The following NAV2 variants were observed in gnomAD, a reference collection of about 807,000 sequenced individuals.
The protein encoded by NAV2 is helicase, APC down-regulated 1.
Under a neutral mutation model 223.2 loss-of-function variants are expected in NAV2, and 54 were observed. The ratio of observed to expected loss-of-function variants is 0.24; its 90% CI spans 0.19 to 0.30. The LOEUF is 0.30. Among genes scored for constraint, NAV2 ranks in the 10% least tolerant of loss-of-function variants. The probability of loss-of-function intolerance (pLI) is 1.00; values close to 1 mark genes in which losing one functional copy is unlikely to be tolerated. For missense variants in NAV2, 2,806 were observed against 3,147.5 expected (o/e 0.89, Z 2.60); for synonymous variants, 1,279 against 1,239.3 (o/e 1.03, Z -0.67).
intron 1 of NAV2, chr11:19,505,940 C>T (rs943086254): frequency 6.6e-6 from 1 of 152,160 alleles, no homozygotes; most frequent in African/African-American, 2.4e-5. Flanking sequence ...TCCTTGATGG[C>T]TATTATGTCA....
chr11:19,646,866 T>C (rs1362939559), intron 1 of NAV2, among the ~76,000 whole-genome samples: 2 of 152,184 alleles, frequency 1.3e-5, no homozygotes, highest in Non-Finnish European at 2.9e-5. Flanking sequence ...TGGCAGAGCC[T>C]AGACTTGAAC....
chr11:19,546,635 G>A (rs937265611), intron 1 of NAV2, among the ~76,000 whole-genome samples: 1 of 152,150 alleles, frequency 6.6e-6, no homozygotes, highest in Non-Finnish European at 1.5e-5. Context: ...GCTTTTTGGG[G>A]GTGTTTTCTA....
At chr11:19,805,637 C>A (rs2058515045) in intron 1 of NAV2, among the ~76,000 whole-genome samples, 2 of 152,356 alleles carry the variant, frequency 1.3e-5, no homozygotes, top group African/African-American at 2.4e-5. Context: ...ATTAAAATTT[C>A]ATGAGCTGTG....
At chr11:19,368,742 G>A (rs1022325909) in intron 1 of NAV2, among the ~76,000 whole-genome samples, 3 of 152,156 alleles carry the variant, frequency 2.0e-5, no homozygotes, top group African/African-American at 4.8e-5. Flanking sequence ...AAGTGATAGA[G>A]CATGTATTTG....
chr11:19,450,215 G>A (rs1851743200), intron 1 of NAV2, among the ~76,000 whole-genome samples: 1 of 152,150 alleles, frequency 6.6e-6, no homozygotes, highest in Admixed American at 6.5e-5. Context: ...TGAGCACCTG[G>A]GGAGTGGCTC....
intron 1 of NAV2, among the ~76,000 whole-genome samples, chr11:19,742,360 A>G (rs890741146): frequency 6.6e-6 from 1 of 152,262 alleles, no homozygotes; most frequent in African/African-American, 2.4e-5. Context: ...TGAGAATTAA[A>G]GAAGACAAGT....
intron 1 of NAV2, among the ~76,000 whole-genome samples, chr11:19,383,593 C>T (rs561998836): frequency 6.6e-6 from 1 of 152,226 alleles, no homozygotes; most frequent in Non-Finnish European, 1.5e-5. Flanking sequence ...TGAAACAGCA[C>T]AGACTTCGGC....
chr11:19,867,413 A>G (rs114318120), intron 3 of NAV2, among the ~76,000 whole-genome samples: 276 of 152,294 alleles, frequency 1.8e-3, no homozygotes, highest in African/African-American at 6.3e-3. Flanking sequence ...CACTTTCTCT[A>G]TCACATAATA....
intron 1 of NAV2, among the ~76,000 whole-genome samples, chr11:19,491,083 G>A (rs1343804793): frequency 1.3e-5 from 2 of 152,084 alleles, no homozygotes; most frequent in East Asian, 3.9e-4. Context: ...AAACCATGCT[G>A]TAAATGAATG....
intron 1 of NAV2, among the ~76,000 whole-genome samples, chr11:19,655,408 T>G (rs984609092): frequency 3.9e-5 from 6 of 152,118 alleles, no homozygotes; most frequent in Non-Finnish European, 8.8e-5. Flanking sequence ...ACCCAAAGGA[T>G]TATAAATCAT....
rs867352406 is a variant in NAV2 at position 19,549,966 on chromosome 11, T to C, written c.75+198939T>C. Among the ~76,000 whole-genome samples, 17 of 152,192 alleles carry C rather than the reference T, an allele frequency of 1.1e-4. No individual in the cohort carries two copies. The South Asian group carries it at 1.9e-3, about 17-fold the overall frequency. On this transcript the variant is annotated intron_variant, in intron 1 of 37. Transcript: ENST00000360655. ...GGGAGATGGAGCAGGGAAAGCAAAATAGGGGGGCCAGCCTCCCCCGGCTTC... is the reference window on the plus strand; with the variant it reads ...GGGAGATGGAGCAGGGAAAGCAAAACAGGGGGGCCAGCCTCCCCCGGCTTC...
intron 1 of NAV2, among the ~76,000 whole-genome samples, chr11:19,748,475 C>CT (rs1393637621): frequency 1.3e-5 from 2 of 152,288 alleles, no homozygotes; most frequent in South Asian, 2.1e-4. Flanking sequence ...ACTATTTAAT[C>CT]TTTTTTGAAT....
intron 6 of NAV2, among the ~76,000 whole-genome samples, chr11:19,901,186 A>T (rs775873529): frequency 2.6e-5 from 4 of 152,188 alleles, no homozygotes. Context: ...TTTCACACCC[A>T]TGAGATCTTA....
At chr11:19,502,765 T>A (rs1051396147) in intron 1 of NAV2, 1 of 152,344 alleles carries the variant, frequency 6.6e-6, no homozygotes, top group Non-Finnish European at 1.5e-5. Context: ...AACTTACATA[T>A]GAGTTGTAAC....
intron 3 of NAV2, among the ~76,000 whole-genome samples, chr11:19,845,211 TA>T (rs1351677213): frequency 6.6e-6 from 1 of 152,206 alleles, no homozygotes; most frequent in African/African-American, 2.4e-5. Flanking sequence ...ATGGGAAGTA[TA>T]ATTTGAGAAG....
At chr11:20,067,276 C>T (rs928696183) in intron 20 of NAV2, among the ~76,000 whole-genome samples, 1 of 152,076 alleles carries the variant, frequency 6.6e-6, no homozygotes, top group African/African-American at 2.4e-5. Flanking sequence ...GATCTTTCTA[C>T]CCTGGTGCTC....
intron 1 of NAV2, among the ~76,000 whole-genome samples, chr11:19,749,338 T>A (rs1207917923): frequency 6.6e-6 from 1 of 152,168 alleles, no homozygotes; most frequent in Non-Finnish European, 1.5e-5. Context: ...TTCAAGGCTG[T>A]CATTCACAAC....
intron 1 of NAV2, among the ~76,000 whole-genome samples, chr11:19,682,259 G>A (rs2048900537): frequency 6.6e-6 from 1 of 152,192 alleles, no homozygotes; most frequent in Non-Finnish European, 1.5e-5. Context: ...AATAATAATT[G>A]CTTCCACATG....
chr11:19,566,037 A>ATT (rs1185960322), intron 1 of NAV2, among the ~76,000 whole-genome samples: 7 of 51,100 alleles, frequency 1.4e-4, no homozygotes, highest in Admixed American at 6.6e-4. Flanking sequence ...AGGAGATTTT[A>ATT]TTTTATTTTA....
Sources: allele counts gnomAD v4.1 joint callset (sites outside exome capture counted in the v4.1 genomes callset), GRCh38; gene constraint gnomAD v4.1.1; transcripts MANE v1.5; gene names NCBI Gene and HGNC (gene_info 2026-07-23, HGNC 2026-07-21).